CYB5R3: variants seen among roughly 807,000 people sequenced by gnomAD.
The protein encoded by CYB5R3 is cytochrome b5 reductase 3, also known as NADH-cytochrome b5 reductase 3.
CYB5R3 carries 28 observed loss-of-function variants against 36.5 expected under a neutral mutation model. The observed-to-expected ratio is 0.77, with a 90% CI of 0.57 to 1.05. CYB5R3 has a LOEUF of 1.05. Among genes scored for constraint, CYB5R3 ranks in the 50% least tolerant of loss-of-function variants. The pLI is 0.00. For missense variants in CYB5R3, 474 were observed against 408.9 expected, an observed-to-expected ratio of 1.16 and a Z score of -1.37; for synonymous variants, 181 against 159.8, an observed-to-expected ratio of 1.13 and a Z score of -1.00.
intron 1 of CYB5R3, among the ~76,000 whole-genome samples, chr22:42,638,135 C>A (rs1410389310): frequency 6.6e-6 from 1 of 151,770 alleles, no homozygotes; most frequent in African/African-American, 2.4e-5. Flanking sequence ...GTGGCTCACG[C>A]CTATAATCCC....
intron 1 of CYB5R3, among the ~76,000 whole-genome samples, chr22:42,647,554 C>A (rs1929588942): frequency 2.7e-5 from 1 of 37,166 alleles, no homozygotes; most frequent in Non-Finnish European, 5.9e-5. Context: ...TCGGGACCAG[C>A]TTGGCCAAGA....
intron 7 of CYB5R3, among the ~76,000 whole-genome samples, chr22:42,625,885 T>C (rs896644423): frequency 6.6e-6 from 1 of 152,178 alleles, no homozygotes; most frequent in African/African-American, 2.4e-5. Flanking sequence ...TTCCAGAGGC[T>C]GCGTGACTGG....
Position 42,623,557 on chromosome 22 carries a change from G to A in CYB5R3, c.733+232C>T, listed in dbSNP as rs374694386. Among the ~76,000 whole-genome samples, 86 of 152,342 alleles carry A rather than the reference G, an allele frequency of 5.6e-4. 2 individuals carry two copies. The South Asian group carries it at 9.1e-3, about 16-fold the overall frequency. ...TGCAGTGCGCCCGGGAAAGGACTCTGCCTCTGGAGGCGAGGACCTGGGTTT... is the reference window on the plus strand; with the variant it reads ...TGCAGTGCGCCCGGGAAAGGACTCTACCTCTGGAGGCGAGGACCTGGGTTT... On this transcript the variant is annotated intron_variant, in intron 8 of 8. Coordinates refer to ENST00000352397, the MANE Select transcript of CYB5R3 (RefSeq NM_000398.7).
chr22:42,621,725 T>C (rs1365231167), intron 8 of CYB5R3, among the ~76,000 whole-genome samples: 2 of 152,222 alleles, frequency 1.3e-5, no homozygotes, highest in Non-Finnish European at 2.9e-5. Flanking sequence ...GGCCCCTCCC[T>C]GGGGGACCAG....
intron 1 of CYB5R3, among the ~76,000 whole-genome samples, chr22:42,638,747 A>AAAAAAAAAAAAAAAAAAAAAAAAC (rs1929054848): frequency 7.5e-6 from 1 of 132,994 alleles, no homozygotes; most frequent in South Asian, 2.4e-4. Context: ...AAAAAAAAAA[A>AAAAAAAAAAAAAAAAAAAAAAAAC]AAAGGCCGGG....
Position 42,631,153 on chromosome 22 carries a change from G to C in CYB5R3, c.227-165C>G, listed in dbSNP as rs913025557. 7 of 776,638 alleles carry C rather than the reference G, an allele frequency of 9.0e-6. No individual in the cohort carries two copies. In the African/African-American group the frequency reaches 1.2e-4, roughly 13 times the overall value. 48.1% of individuals were successfully genotyped at this position (776,638 alleles called of 1,614,324 possible). A position where few individuals can be genotyped will look rare whatever the true frequency, so the allele number is the denominator to read the frequency against. On this transcript the variant is annotated intron_variant, in intron 3 of 8. Coordinates refer to ENST00000352397, the MANE Select transcript of CYB5R3 (RefSeq NM_000398.7). ...TCCCGGGGATTCCCCTCACGTCCCA[G>C]CTTCCTGCCTCCATGCCTTCACTCC... is the stretch of plus-strand genomic sequence containing the variant.
rs78852336 is a variant in CYB5R3 at position 42,639,092 on chromosome 22, G to A, written c.22-2246C>T. ...CACTTGTAATCTGAGCACTTTGGGA[G>A]CCCAAGGCAGGCAGATTACTTGAGG... On this transcript the variant is annotated intron_variant, in intron 1 of 8. Transcript: ENST00000352397. 3 of 421,860 alleles carry A rather than the reference G, an allele frequency of 7.1e-6. No individual in the cohort carries two copies. In the Admixed American group the frequency reaches 8.3e-5, roughly 12 times the overall value. The allele number at this position is 421,860 out of a possible 1,614,324, so 26.1% of individuals were successfully genotyped here.
intron 2 of CYB5R3, among the ~76,000 whole-genome samples, chr22:42,634,062 T>C (rs1416944284): frequency 6.6e-6 from 1 of 151,920 alleles, no homozygotes; most frequent in Non-Finnish European, 1.5e-5. Flanking sequence ...GTATAAAACA[T>C]ATCACAGGGC....
chr22:42,638,489 A>C (rs1012048005), intron 1 of CYB5R3, among the ~76,000 whole-genome samples: 8 of 144,968 alleles, frequency 5.5e-5, no homozygotes, highest in African/African-American at 2.1e-4. Context: ...AGATTGCTTG[A>C]GCCCAGTAGT....
At position 42,649,338 on chromosome 22, in the gene CYB5R3, T is replaced by A; in HGVS notation, c.-23A>T. 1.0e-6 allele frequency: 1 copy of A among 990,890 alleles called. No individual in the cohort carries two copies. Among genetic ancestry groups the A allele is most frequent in the Non-Finnish European group, 1.2e-6 (1 of 817,984 alleles). 61.4% of individuals were successfully genotyped at this position (990,890 alleles called of 1,614,324 possible). On this transcript the variant is annotated 5_prime_UTR_variant, in exon 1 of 9. Transcript: ENST00000352397. Reference sequence around the variant, plus strand: ...CATGGTGGCCCCGCGCCGCGCTCGCTCTGTCGCCGCCGCCGCCGCCGCCGA... The same window carrying A: ...CATGGTGGCCCCGCGCCGCGCTCGCACTGTCGCCGCCGCCGCCGCCGCCGA...
Position 42,631,580 on chromosome 22 carries a change from G to GT in CYB5R3, c.154-131dup, listed in dbSNP as rs796517999. The GT allele has an allele frequency of 1.5e-4, 121 of 828,030 alleles. No individual in the cohort carries two copies. The African/African-American group carries it at 1.8e-3, about 12-fold the overall frequency. The allele number at this position is 828,030 out of a possible 1,614,324, so 51.3% of individuals were successfully genotyped here. On this transcript the variant is annotated intron_variant, in intron 2 of 8. Transcript: ENST00000352397. ...CCTTCCCCAGTGCCTGCTTGTCCTT[G>GT]TAAGACGTGACGCCGACGCCAAGCA...
At chr22:42,634,358 T>A (rs1928771125) in intron 2 of CYB5R3, among the ~76,000 whole-genome samples, 1 of 151,816 alleles carries the variant, frequency 6.6e-6, no homozygotes, top group South Asian at 2.1e-4. Flanking sequence ...CAAAACTCCA[T>A]CTCAAAAACA....
rs574019184 is a variant in CYB5R3, at chr22:42,645,310, C to G, written c.21+3985G>C. Among the ~76,000 whole-genome samples, 12 of 152,276 alleles carry G rather than the reference C, an allele frequency of 7.9e-5. 1 individual carries two copies. In the South Asian group the frequency reaches 2.5e-3, roughly 32 times the overall value. On this transcript the variant is annotated intron_variant, in intron 1 of 8. Coordinates refer to ENST00000352397, the MANE Select transcript of CYB5R3 (RefSeq NM_000398.7). ...GAATTAGTGAAGGGACAACAGGCTC[C>G]CACCCTCCCAGTGTTTTTATTTTGC...
chr22:42,632,300 G>A (rs547530266), intron 2 of CYB5R3: 150 of 152,428 alleles, frequency 9.8e-4, no homozygotes, highest in Admixed American at 2.6e-3. Context: ...GCGGAAGGTC[G>A]GCGCTGCAGA....
chr22:42,620,043 A>G, intron 8 of CYB5R3, 98 bp from the exon 9 acceptor site: 4 of 1,190,844 alleles, frequency 3.4e-6, no homozygotes, highest in Non-Finnish European at 3.6e-6. Flanking sequence ...AATGCTGAAG[A>G]ATGGAGAGGC....
At chr22:42,625,751 G>A (rs554510702) in intron 7 of CYB5R3, among the ~76,000 whole-genome samples, 32 of 152,242 alleles carry the variant, frequency 2.1e-4, no homozygotes, top group African/African-American at 5.5e-4. Flanking sequence ...CACGGTTCTC[G>A]GAGTGTAGCA....
intron 1 of CYB5R3, among the ~76,000 whole-genome samples, chr22:42,638,733 A>T (rs1439064722): frequency 9.9e-6 from 1 of 100,536 alleles, no homozygotes; most frequent in African/African-American, 3.5e-5. Flanking sequence ...CTCCATAAAA[A>T]AAAAAAAAAA....
intron 3 of CYB5R3, 85 bp from the exon 4 acceptor site, chr22:42,631,073 C>G (rs1007934708): frequency 1.6e-6 from 2 of 1,235,160 alleles, no homozygotes; most frequent in Non-Finnish European, 2.3e-6. Context: ...CCCTGCACCC[C>G]ACCCGGCATT....
intron 8 of CYB5R3, among the ~76,000 whole-genome samples, chr22:42,620,166 C>G (rs887629365): frequency 5.3e-5 from 8 of 152,246 alleles, no homozygotes; most frequent in Admixed American, 3.3e-4. Context: ...GTTCCCCTGA[C>G]TGCACTTTAC....
Sources: gnomAD v4.1 joint callset for allele counts (sites outside exome capture counted in the v4.1 genomes callset) on GRCh38, gnomAD v4.1.1 for gene constraint, MANE v1.5 for transcripts, NCBI Gene and HGNC (gene_info 2026-07-23, HGNC 2026-07-21) for gene names.